The following SFXN5 variants were observed in gnomAD, a reference collection of about 807,000 sequenced individuals.
SFXN5 encodes sideroflexin 5.
A neutral mutation model predicts 50.2 loss-of-function variants in SFXN5; 43 were observed. That is an observed-to-expected ratio of 0.86 (90% CI 0.67 to 1.11). The LOEUF (loss-of-function observed/expected upper bound fraction) is 1.11, where lower values mean the gene tolerates loss of function less well. SFXN5 is among the 50% of genes least tolerant of loss of function. SFXN5 has a pLI of 0.00. For synonymous variants in SFXN5, 203 were observed against 185.8 expected, an observed-to-expected ratio of 1.09 and a Z score of -0.75; for missense variants, 463 against 454.1, an observed-to-expected ratio of 1.02 and a Z score of -0.18.
At chr2:73,036,615 AAAGAGG>A (rs1462825384) in intron 3 of SFXN5, among the ~76,000 whole-genome samples, 1 of 152,204 alleles carries the variant, frequency 6.6e-6, no homozygotes, top group Non-Finnish European at 1.5e-5. Context: ...TGAAGGGAGC[AAAGAGG>A]AGGAAATGTG....
In SFXN5 at chr2:72,961,625, G is replaced by A. The variant is rs72918382; in HGVS notation, c.828-377C>T. ...CCCTGTTCCTGGGGAGACACATAGGGACGTAAGATCGCTCTCGAGGGCAGC... is the reference window on the plus strand; with the variant it reads ...CCCTGTTCCTGGGGAGACACATAGGAACGTAAGATCGCTCTCGAGGGCAGC... On this transcript the variant is annotated intron_variant, in intron 12 of 13. Coordinates refer to ENST00000272433, the MANE Select transcript of SFXN5 (RefSeq NM_144579.3). The surrounding 1 kb of genome is among the most constrained non-coding windows in gnomAD (Gnocchi z 4.4). Among the ~76,000 whole-genome samples, 24,450 of 152,152 alleles carry A rather than the reference G, an allele frequency of 0.16. 5,843 individuals carry two copies. The highest frequency in any genetic ancestry group is 0.53 in the African/African-American group (21,780 of 41,432).
At chr2:73,018,924 TTCCTAGGTCTA>T (rs1676489708) in intron 6 of SFXN5, among the ~76,000 whole-genome samples, 2 of 152,306 alleles carry the variant, frequency 1.3e-5, no homozygotes, top group South Asian at 4.1e-4. Context: ...TTAATTTAGC[TTCCTAGGTCTA>T]TATCCAAGAG....
At chr2:73,070,281 G>A (rs748306843) in intron 1 of SFXN5, among the ~76,000 whole-genome samples, 1 of 152,174 alleles carries the variant, frequency 6.6e-6, no homozygotes, top group African/African-American at 2.4e-5. Context: ...CCTACATGCT[G>A]AGATGGCCTA....
chr2:73,047,235 AAAAAAAAAAAAT>A (rs1355620697), intron 2 of SFXN5, among the ~76,000 whole-genome samples: 19 of 28,196 alleles, frequency 6.7e-4, no homozygotes, highest in South Asian at 1.9e-3. Flanking sequence ...AAAAAAAAAA[AAAAAAAAAAAAT>A]ATATATATAT....
chr2:73,060,448 A>G (rs1446598709), intron 1 of SFXN5, among the ~76,000 whole-genome samples: 1 of 152,186 alleles, frequency 6.6e-6, no homozygotes, highest in Admixed American at 6.5e-5. Context: ...TGTTCATCAA[A>G]TATGTCAATG....
At chr2:73,035,101 G>A (rs1341020613) in intron 3 of SFXN5, among the ~76,000 whole-genome samples, 1 of 152,190 alleles carries the variant, frequency 6.6e-6, no homozygotes, top group Non-Finnish European at 1.5e-5. Context: ...GGTACCTACT[G>A]ACAAGTTTAT....
Position 73,059,082 on chromosome 2 carries a change from C to T in SFXN5, c.103-486G>A, listed in dbSNP as rs550173264. On this transcript the variant is annotated intron_variant, in intron 1 of 13. Coordinates refer to ENST00000272433, the MANE Select transcript of SFXN5 (RefSeq NM_144579.3). Reference sequence around the variant, plus strand: ...CCCAAGGGCAGCTCAAGCCTAAAAGCACTGAGCTCACAATCCTCAGGCCCT... The same window carrying T: ...CCCAAGGGCAGCTCAAGCCTAAAAGTACTGAGCTCACAATCCTCAGGCCCT... The T allele has an allele frequency of 3.1e-6, 3 of 977,024 alleles. No homozygotes were observed. In the African/African-American group the frequency reaches 6.8e-5, roughly 22 times the overall value. 60.5% of individuals were successfully genotyped at this position (977,024 alleles called of 1,614,324 possible).
intron 8 of SFXN5, among the ~76,000 whole-genome samples, chr2:72,999,605 C>G (rs1386107301): frequency 3.3e-5 from 5 of 151,822 alleles, no homozygotes; most frequent in Non-Finnish European, 7.4e-5. Context: ...AGGGAGTCAT[C>G]CAAGCAGAGA....
chr2:73,040,268 C>T (rs1679453326), intron 3 of SFXN5, among the ~76,000 whole-genome samples: 1 of 152,154 alleles, frequency 6.6e-6, no homozygotes, highest in Non-Finnish European at 1.5e-5. Flanking sequence ...TCATTAACTA[C>T]TACCTTCCCT....
chr2:73,022,030 C>T (rs1676961631), intron 5 of SFXN5, among the ~76,000 whole-genome samples: 1 of 152,194 alleles, frequency 6.6e-6, no homozygotes, highest in South Asian at 2.1e-4. Flanking sequence ...AGCAGTGCAA[C>T]AACAGTGCAT....
chr2:73,059,762 C>G, intron 1 of SFXN5: 1 of 979,946 alleles, frequency 1.0e-6, no homozygotes, highest in Non-Finnish European at 1.2e-6. Flanking sequence ...ACAGCCCAGA[C>G]CATTTTCCCA....
intron 9 of SFXN5, among the ~76,000 whole-genome samples, chr2:72,996,269 C>T (rs1347662896): frequency 6.6e-6 from 1 of 152,092 alleles, no homozygotes; most frequent in African/African-American, 2.4e-5. Context: ...GAGGGAGTCC[C>T]CAGCACAGGC....
intron 2 of SFXN5, among the ~76,000 whole-genome samples, chr2:73,057,074 G>A (rs1237826172): frequency 6.6e-6 from 1 of 152,138 alleles, no homozygotes; most frequent in East Asian, 1.9e-4. Context: ...TCCTTTCAAT[G>A]GGACACTACT....
At chr2:73,064,549 A>G (rs1433255874) in intron 1 of SFXN5, among the ~76,000 whole-genome samples, 1 of 152,226 alleles carries the variant, frequency 6.6e-6, no homozygotes, top group Non-Finnish European at 1.5e-5. Context: ...AGGTACTGTG[A>G]TTTTAGAACT....
rs1011459026 is a variant in SFXN5 at position 72,944,821 on chromosome 2, C to T, written c.*201G>A. On this transcript the variant is annotated 3_prime_UTR_variant, in exon 14 of 14. Transcript: ENST00000272433. Reference sequence around the variant, plus strand: ...AAATGCACTTGATTATTTTTTTGTACGAAATGTGTTAGAACTCCTCTTGCC... The same window carrying T: ...AAATGCACTTGATTATTTTTTTGTATGAAATGTGTTAGAACTCCTCTTGCC... 2.1e-5 allele frequency: 11 copies of T among 531,444 alleles called. No individual in the cohort carries two copies. The highest frequency in any genetic ancestry group is 9.6e-5 in the African/African-American group (5 of 52,182). The allele number at this position is 531,444 out of a possible 1,614,324, so 32.9% of individuals were successfully genotyped here.
At chr2:72,995,591 C>A (rs1403855778) in intron 9 of SFXN5, among the ~76,000 whole-genome samples, 2 of 152,186 alleles carry the variant, frequency 1.3e-5, no homozygotes, top group South Asian at 4.1e-4. Flanking sequence ...TGCAGCCTGT[C>A]GGCCCCCATC....
intron 2 of SFXN5, among the ~76,000 whole-genome samples, chr2:73,045,918 C>T (rs529412901): frequency 8.5e-5 from 13 of 152,052 alleles, no homozygotes; most frequent in Non-Finnish European, 1.6e-4. Context: ...AGAAGGGGAA[C>T]CAGGGACACG....
At chr2:73,017,422 G>A (rs550017422) in intron 6 of SFXN5, among the ~76,000 whole-genome samples, 1 of 152,304 alleles carries the variant, frequency 6.6e-6, no homozygotes, top group African/African-American at 2.4e-5. Flanking sequence ...AAACCTAACT[G>A]TGTATCAAGT....
At chr2:73,025,782 G>T (rs909470219) in intron 3 of SFXN5, among the ~76,000 whole-genome samples, 2 of 152,218 alleles carry the variant, frequency 1.3e-5, no homozygotes, top group African/African-American at 2.4e-5. Context: ...CATGGCCAGA[G>T]ATCAGGGAGA....
Sources: gnomAD v4.1 joint callset for allele counts (sites outside exome capture counted in the v4.1 genomes callset) on GRCh38, gnomAD v4.1.1 for gene constraint, Gnocchi (gnomAD v3.1) non-coding constraint, MANE v1.5 for transcripts, NCBI Gene and HGNC (gene_info 2026-07-23, HGNC 2026-07-21) for gene names.